The following OR56A3 variants were observed in gnomAD, a reference collection of about 807,000 sequenced individuals.
OR56A3 encodes olfactory receptor family 56 subfamily A member 3.
OR56A3 carries 23 observed loss-of-function variants against 17.5 expected under a neutral mutation model. The observed-to-expected ratio is 1.32, with a 90% CI of 0.95 to 1.87. The LOEUF (loss-of-function observed/expected upper bound fraction) is 1.87. Ranked by LOEUF, OR56A3 falls within the 40% of genes most tolerant of loss-of-function variation. OR56A3 has a pLI of 0.00. For synonymous variants in OR56A3, 175 were observed against 150.6 expected, an observed-to-expected ratio of 1.16 and a Z score of -1.19; for missense variants, 366 against 380.1, an observed-to-expected ratio of 0.96 and a Z score of 0.31.
chr11:5,995,114 G>C, the OR56A3 span: 1 of 584,278 alleles, frequency 1.7e-6, no homozygotes, highest in African/African-American at 1.9e-5. Flanking sequence ...ACGCAGCCCA[G>C]GGACCGGTAG....
chr11:5,981,069 C>T, the OR56A3 span, among the ~76,000 whole-genome samples: 1 of 152,070 alleles, frequency 6.6e-6, no homozygotes, highest in Non-Finnish European at 1.5e-5. Flanking sequence ...AGGTGGCCTG[C>T]CTCTTCTTTC....
the OR56A3 span, among the ~76,000 whole-genome samples, chr11:5,988,823 A>C: frequency 6.6e-6 from 1 of 152,236 alleles, no homozygotes; most frequent in African/African-American, 2.4e-5. Context: ...TAAAAGAAAA[A>C]ACTTGAAACT....
the OR56A3 span, among the ~76,000 whole-genome samples, chr11:5,968,774 A>G: frequency 5.3e-5 from 8 of 152,190 alleles, no homozygotes; most frequent in African/African-American, 1.7e-4. Flanking sequence ...TCATTAAAAC[A>G]TACTGTAAAA....
the OR56A3 span, among the ~76,000 whole-genome samples, chr11:6,011,478 C>A: frequency 0.68 from 103,139 of 151,860 alleles, 35,342 homozygotes; most frequent in East Asian, 0.93. Flanking sequence ...AATCTAGATA[C>A]CTGTATTTTA....
downstream of OR56A3, among the ~76,000 whole-genome samples, chr11:5,953,604 A>T (rs1043829114): frequency 2.6e-5 from 4 of 152,136 alleles, no homozygotes; most frequent in Admixed American, 2.0e-4. Context: ...TGTAGATCCT[A>T]GGTAAAGAGT....
chr11:5,947,876 T>C lies in OR56A3; in HGVS notation c.530T>C (p.Val177Ala), dbSNP rs1317737933. ...SAQLRYCGRN[V>A]IENCICANMS... The stretch of plus-strand genomic sequence containing the variant: ...CAACTCCGTTATTGTGGAAGAAATG[T>C]CATTGAGAACTGCATCTGTGCCAAT... Residue 177 changes from valine to alanine, a missense_variant, in exon 3 of 3, where the codon GTC (valine) becomes GCC (alanine). By Grantham distance (64) the Val-to-Ala change is moderately conservative (BLOSUM62 0). Coordinates refer to ENST00000641160, the MANE Select transcript of OR56A3 (RefSeq NM_001003443.3). 1 of 1,614,110 alleles carries C rather than the reference T, an allele frequency of 6.2e-7. No homozygotes were observed. Among genetic ancestry groups the C allele is most frequent in the Non-Finnish European group, 8.5e-7 (1 of 1,180,046 alleles).
chr11:5,973,137 A>T, the OR56A3 span, among the ~76,000 whole-genome samples: 2 of 152,102 alleles, frequency 1.3e-5, no homozygotes. Flanking sequence ...CAGCTAATTT[A>T]CTCTATGTAA....
At chr11:5,990,301 A>G in the OR56A3 span, among the ~76,000 whole-genome samples, 1 of 152,374 alleles carries the variant, frequency 6.6e-6, no homozygotes, top group South Asian at 2.1e-4. Flanking sequence ...GTGATAAGGC[A>G]GAGGCTAAAT....
the OR56A3 span, among the ~76,000 whole-genome samples, chr11:6,016,005 C>T: frequency 0.24 from 36,789 of 151,934 alleles, 5,890 homozygotes; most frequent in East Asian, 0.78. Flanking sequence ...TTTGTGTCCC[C>T]GCCCAAATCT....
At chr11:6,010,310 C>G in the OR56A3 span, among the ~76,000 whole-genome samples, 1 of 152,150 alleles carries the variant, frequency 6.6e-6, no homozygotes, top group Non-Finnish European at 1.5e-5. Context: ...TAGGATCACC[C>G]TAAATACACT....
the OR56A3 span, among the ~76,000 whole-genome samples, chr11:6,007,535 A>G: frequency 6.6e-6 from 1 of 152,176 alleles, no homozygotes; most frequent in Admixed American, 6.5e-5. Context: ...GATGCACTCT[A>G]TGTGTATCAA....
the OR56A3 span, among the ~76,000 whole-genome samples, chr11:5,958,092 G>C: frequency 6.6e-6 from 1 of 152,178 alleles, no homozygotes; most frequent in Non-Finnish European, 1.5e-5. Context: ...TAGCAAATCT[G>C]TGAGCATCCA....
chr11:6,008,225 G>C, the OR56A3 span, among the ~76,000 whole-genome samples: 1 of 152,146 alleles, frequency 6.6e-6, no homozygotes, highest in Non-Finnish European at 1.5e-5. Context: ...CAACTTCTGA[G>C]AAGGAGACAT....
chr11:5,954,926 A>G (rs2134368259), downstream of OR56A3, among the ~76,000 whole-genome samples: 1 of 152,320 alleles, frequency 6.6e-6, no homozygotes, highest in South Asian at 2.1e-4. Context: ...AAAACAGCAA[A>G]GAAGAGGGAG....
At chr11:5,987,098 G>C in the OR56A3 span, 1 of 637,620 alleles carries the variant, frequency 1.6e-6, no homozygotes, top group Non-Finnish European at 2.7e-6. Flanking sequence ...CCACATGTCT[G>C]AATTAATACA....
chr11:5,948,876 A>C lies in OR56A3; in HGVS notation c.*582A>C, dbSNP rs570284237. On this transcript the variant is annotated 3_prime_UTR_variant, in exon 3 of 3. Coordinates refer to ENST00000641160, the MANE Select transcript of OR56A3 (RefSeq NM_001003443.3). ...CTTCTCTTTCTCTGGAAGACAAGTA[A>C]ATTTTTGTAATGTGCATTGCAAGAG... 1.3e-5 allele frequency: 2 copies of C among 153,360 alleles called. No individual in the cohort carries two copies. Among genetic ancestry groups the C allele is most frequent in the Admixed American group, 6.5e-5 (1 of 15,494 alleles). The allele number at this position is 153,360 out of a possible 1,614,324, so 9.5% of individuals were successfully genotyped here. A position where few individuals can be genotyped will look rare whatever the true frequency, so the allele number is the denominator to read the frequency against.
the OR56A3 span, among the ~76,000 whole-genome samples, chr11:6,015,557 C>T: frequency 6.6e-6 from 1 of 152,226 alleles, no homozygotes; most frequent in African/African-American, 2.4e-5. Flanking sequence ...TCAATGCCAG[C>T]CTGTGAGAAC....
chr11:5,994,296 A>G, the OR56A3 span: 1 of 638,786 alleles, frequency 1.6e-6, no homozygotes, highest in Non-Finnish European at 2.9e-6. Context: ...TCATCTCAGC[A>G]GCTCCGACCT....
At chr11:5,982,398 G>A in the OR56A3 span, among the ~76,000 whole-genome samples, 7 of 152,090 alleles carry the variant, frequency 4.6e-5, no homozygotes, top group Admixed American at 1.3e-4. Flanking sequence ...GGGGTCGGGG[G>A]GCTTCTGCCA....
Sources: allele counts gnomAD v4.1 joint callset (sites outside exome capture counted in the v4.1 genomes callset), GRCh38; gene constraint gnomAD v4.1.1; transcripts MANE v1.5; gene names NCBI Gene and HGNC (gene_info 2026-07-23, HGNC 2026-07-21).